The following TDRD12 variants were observed in gnomAD, a reference collection of about 807,000 sequenced individuals.
TDRD12 encodes tudor domain containing 12.
TDRD12 carries 158 observed loss-of-function variants against 133.5 expected under a neutral mutation model. The ratio of observed to expected loss-of-function variants is 1.18; its 90% CI spans 1.04 to 1.35. TDRD12 has a LOEUF of 1.35. Among genes scored for constraint, TDRD12 ranks in the 40% most tolerant of loss-of-function variants. The probability of loss-of-function intolerance (pLI) is 0.00; values close to 1 mark genes in which losing one functional copy is unlikely to be tolerated. For missense variants in TDRD12, 1,443 were observed against 1,321.3 expected, an observed-to-expected ratio of 1.09 and a Z score of -1.43; for synonymous variants, 460 against 477.9, an observed-to-expected ratio of 0.96 and a Z score of 0.49.
At chr19:32,796,160 G>T in intron 14 of TDRD12, 3 of 985,428 alleles carry the variant, frequency 3.0e-6, no homozygotes, top group Non-Finnish European at 3.6e-6. Context: ...GCATCTCGGG[G>T]CCTGGCACTG....
At chr19:32,806,342 T>TG (rs1555776577) in intron 21 of TDRD12, among the ~76,000 whole-genome samples, 1 of 151,062 alleles carries the variant, frequency 6.6e-6, no homozygotes, top group Admixed American at 6.6e-5. Context: ...ACCGAGTTTT[T>TG]TTTTTTTTTT....
At chr19:32,755,563 T>C (rs898322076) in intron 6 of TDRD12, among the ~76,000 whole-genome samples, 1 of 152,260 alleles carries the variant, frequency 6.6e-6, no homozygotes, top group Non-Finnish European at 1.5e-5. Flanking sequence ...GAGTTCCTTA[T>C]ATATTCTGGA....
At chr19:32,765,891 TAA>T (rs943214573) in intron 8 of TDRD12, among the ~76,000 whole-genome samples, 2 of 138,820 alleles carry the variant, frequency 1.4e-5, no homozygotes. Context: ...AAGTATAATT[TAA>T]AAAAAAAAAA....
chr19:32,742,999 C>T, intron 4 of TDRD12, 99 bp downstream of exon 4: 1 of 1,403,250 alleles, frequency 7.1e-7, no homozygotes. Context: ...AAGTGCTGAG[C>T]AGGAGGTCTC....
chr19:32,745,746 T>G (rs1185978126), intron 4 of TDRD12, among the ~76,000 whole-genome samples: 1 of 145,552 alleles, frequency 6.9e-6, no homozygotes, highest in Admixed American at 6.9e-5. Flanking sequence ...GCTGATGTGG[T>G]TATTCTGTGT....
chr19:32,792,217 G>C (rs1971092954), intron 13 of TDRD12, among the ~76,000 whole-genome samples: 1 of 151,834 alleles, frequency 6.6e-6, no homozygotes, highest in Admixed American at 6.6e-5. Flanking sequence ...CTGAACTCCA[G>C]CCTGGGCAAT....
intron 14 of TDRD12, 64 bp downstream of exon 14, chr19:32,794,877 C>A: frequency 1.5e-6 from 1 of 663,416 alleles, no homozygotes; most frequent in Non-Finnish European, 2.7e-6. Flanking sequence ...AAATTATACA[C>A]CTCACCTTTG....
chr19:32,761,767 G>C (rs1163354746), intron 8 of TDRD12, among the ~76,000 whole-genome samples: 1 of 151,936 alleles, frequency 6.6e-6, no homozygotes, highest in Non-Finnish European at 1.5e-5. Flanking sequence ...TCAGCTCATG[G>C]CAACCTCTGC....
Position 32,738,846 on chromosome 19 carries a change from T to A in TDRD12, c.184-10T>A. ...AAATAAATAAAAATAACTCTCTGTT[T>A]ATTTTGCAGGTGTGTGTGGTCTATT... is the stretch of plus-strand genomic sequence containing the variant. On this transcript the variant is annotated splice_polypyrimidine_tract_variant and intron_variant, in intron 2 of 27. Coordinates refer to ENST00000444215, the Ensembl canonical transcript of TDRD12. 1 of 1,547,304 alleles carries A rather than the reference T, an allele frequency of 6.5e-7. No individual in the cohort carries two copies. Among genetic ancestry groups the A allele is most frequent in the Non-Finnish European group, 8.7e-7 (1 of 1,146,184 alleles).
chr19:32,722,812 T>C (rs1968729594), intron 1 of TDRD12, among the ~76,000 whole-genome samples: 1 of 151,916 alleles, frequency 6.6e-6, no homozygotes. Context: ...CCTGAGTAGC[T>C]GGGATTACAG....
intron 8 of TDRD12, among the ~76,000 whole-genome samples, chr19:32,768,073 A>G (rs533002399): frequency 5.3e-5 from 8 of 152,344 alleles, no homozygotes; most frequent in African/African-American, 1.9e-4. Context: ...TACATATTGT[A>G]TACAGCTGCT....
chr19:32,723,501 G>A (rs1271521953), intron 1 of TDRD12, among the ~76,000 whole-genome samples: 1 of 151,718 alleles, frequency 6.6e-6, no homozygotes, highest in East Asian at 1.9e-4. Context: ...CACCCATCTC[G>A]GCCTCCCAAA....
At chr19:32,775,906 G>T (rs1050157495) in intron 10 of TDRD12, among the ~76,000 whole-genome samples, 2 of 152,130 alleles carry the variant, frequency 1.3e-5, no homozygotes, top group Non-Finnish European at 2.9e-5. Flanking sequence ...TCTGGTTTCT[G>T]TTAACATTCT....
At chr19:32,765,819 A>G (rs988548237) in intron 8 of TDRD12, among the ~76,000 whole-genome samples, 2 of 151,982 alleles carry the variant, frequency 1.3e-5, no homozygotes, top group African/African-American at 4.8e-5. Context: ...CAGCACACCA[A>G]CATGGCACAT....
In TDRD12 at chr19:32,755,167, G is replaced by A. The variant is rs112502272; in HGVS notation, c.583-825G>A. ...CTACAGTGTATTTACCCATTAACTC[G>A]TTGATGGATATTTGGGTTGTGGCCA... On this transcript the variant is annotated intron_variant, in intron 6 of 27. Transcript: ENST00000444215. Among the ~76,000 whole-genome samples the A allele has an allele frequency of 4.7e-4, 72 of 152,314 alleles. 1 individual carries two copies. The highest frequency in any genetic ancestry group is 1.7e-3 in the African/African-American group (72 of 41,568).
chr19:32,769,435 G>A (rs1396602798), intron 8 of TDRD12, among the ~76,000 whole-genome samples: 1 of 152,184 alleles, frequency 6.6e-6, no homozygotes, highest in Non-Finnish European at 1.5e-5. Flanking sequence ...CTGTTGCCAG[G>A]TGCTGTGGGT....
rs548415981 is a variant in TDRD12, at chr19:32,799,484, T to A, written c.1759-683T>A. Among the ~76,000 whole-genome samples, 4 of 152,282 alleles carry A rather than the reference T, an allele frequency of 2.6e-5. No homozygotes were observed. In the East Asian group the frequency reaches 7.7e-4, roughly 29 times the overall value. On this transcript the variant is annotated intron_variant, in intron 16 of 27. Coordinates refer to ENST00000444215, the Ensembl canonical transcript of TDRD12. ...CTTGATTATTTTTTAGGTTGAACAT[T>A]AATTCGTATTGATCATTTGTATTCA...
chr19:32,809,676 A>G (rs891869532), intron 22 of TDRD12, among the ~76,000 whole-genome samples: 18 of 152,154 alleles, frequency 1.2e-4, no homozygotes, highest in Non-Finnish European at 1.2e-4. Context: ...GGACAGTTTC[A>G]TCCCTGTAAC....
chr19:32,754,587 C>A (rs551976226), intron 6 of TDRD12, among the ~76,000 whole-genome samples: 15 of 145,046 alleles, frequency 1.0e-4, no homozygotes, highest in African/African-American at 3.7e-4. Context: ...CAAATAAATT[C>A]TCTATAAACT....
Sources: allele counts gnomAD v4.1 joint callset (sites outside exome capture counted in the v4.1 genomes callset), GRCh38; gene constraint gnomAD v4.1.1; transcripts MANE v1.5; gene names NCBI Gene and HGNC (gene_info 2026-07-23, HGNC 2026-07-21).